FBXL20: variants seen among roughly 807,000 people sequenced by gnomAD.
The protein encoded by FBXL20 is F-box/LRR-repeat protein 20.
A neutral mutation model predicts 64.0 loss-of-function variants in FBXL20; 11 were observed. The observed-to-expected ratio is 0.17, with a 90% CI of 0.11 to 0.28. The LOEUF (loss-of-function observed/expected upper bound fraction) is 0.28. Ranked by LOEUF, FBXL20 falls within the 10% of genes least tolerant of loss-of-function variation. FBXL20 has a pLI of 1.00. For missense variants in FBXL20, 303 were observed against 526.2 expected (o/e 0.58, Z 4.15); for synonymous variants, 184 against 189.0 (o/e 0.97, Z 0.22).
rs1270702566 is a variant in FBXL20 at position 39,258,936 on chromosome 17, C to T, written c.*2524G>A. The T allele has an allele frequency of 6.6e-6, 1 of 151,936 alleles. No individual in the cohort carries two copies. The highest frequency in any genetic ancestry group is 1.5e-5 in the Non-Finnish European group (1 of 68,010). 9.4% of individuals were successfully genotyped at this position (151,936 alleles called of 1,614,324 possible). The stretch of plus-strand genomic sequence containing the variant: ...TGAGTTTCATGTTAAAAACTATATT[C>T]CTTATAAGGTAATCTGAAAGAGAAT... On this transcript the variant is annotated 3_prime_UTR_variant, in exon 15 of 15. Coordinates refer to ENST00000264658, the MANE Select transcript of FBXL20 (RefSeq NM_032875.3).
chr17:39,271,005 A>G lies in FBXL20; in HGVS notation c.828-149T>C, dbSNP rs2046838751. On this transcript the variant is annotated intron_variant, in intron 10 of 14. Transcript: ENST00000264658. ...GACATTAACAACTAAGCAAGTCTGT[A>G]TACAGATCTTGCCATTCATTTTCAT... 4.6e-6 allele frequency: 3 copies of G among 649,260 alleles called. No homozygotes were observed. In the Admixed American group the frequency reaches 8.9e-5, roughly 19 times the overall value. The allele number at this position is 649,260 out of a possible 1,614,324, so 40.2% of individuals were successfully genotyped here.
intron 2 of FBXL20, among the ~76,000 whole-genome samples, chr17:39,305,846 G>A (rs1316767927): frequency 3.3e-5 from 5 of 152,068 alleles, no homozygotes; most frequent in Admixed American, 6.6e-5. Context: ...TTAGCCAGGC[G>A]TGGTGGTGGG....
At chr17:39,350,675 A>G (rs2047679636) in intron 1 of FBXL20, among the ~76,000 whole-genome samples, 1 of 152,218 alleles carries the variant, frequency 6.6e-6, no homozygotes, top group South Asian at 2.1e-4. Context: ...ACATCTGTCC[A>G]GATTTATATT....
chr17:39,386,705 T>C (rs778617570), intron 1 of FBXL20, among the ~76,000 whole-genome samples: 7 of 152,168 alleles, frequency 4.6e-5, no homozygotes, highest in Non-Finnish European at 1.0e-4. Flanking sequence ...GCATGAAGCA[T>C]AGTAAATACC....
intron 2 of FBXL20, among the ~76,000 whole-genome samples, chr17:39,315,936 A>C (rs562982997): frequency 6.6e-6 from 1 of 152,212 alleles, no homozygotes; most frequent in African/African-American, 2.4e-5. Flanking sequence ...CATTAACCAT[A>C]ATAAAGATGG....
intron 1 of FBXL20, among the ~76,000 whole-genome samples, chr17:39,377,489 CTG>C (rs1257203494): frequency 6.6e-6 from 1 of 150,542 alleles, no homozygotes; most frequent in African/African-American, 2.5e-5. Flanking sequence ...ATTGCAATTC[CTG>C]TCTTTTTTGT....
At chr17:39,332,122 A>C (rs1419859281) in intron 2 of FBXL20, among the ~76,000 whole-genome samples, 1 of 152,242 alleles carries the variant, frequency 6.6e-6, no homozygotes, top group Non-Finnish European at 1.5e-5. Context: ...TTTCAAAGGA[A>C]GGAAAACACA....
chr17:39,392,786 G>A (rs192313312), intron 1 of FBXL20, among the ~76,000 whole-genome samples: 2 of 152,238 alleles, frequency 1.3e-5, no homozygotes, highest in East Asian at 3.9e-4. Context: ...GCCAAGGCGG[G>A]TGGATCACTT....
At chr17:39,379,045 C>T (rs113414512) in intron 1 of FBXL20, among the ~76,000 whole-genome samples, 59,136 of 149,594 alleles carry the variant, frequency 0.4, 15,304 homozygotes, top group African/African-American at 0.74. Context: ...CTAACCAACA[C>T]GGAGAAACCC....
In FBXL20 at chr17:39,259,556, G is replaced by C. The variant is rs2046726519; in HGVS notation, c.*1904C>G. On this transcript the variant is annotated 3_prime_UTR_variant, in exon 15 of 15. Transcript: ENST00000264658. The stretch of plus-strand genomic sequence containing the variant: ...AGAGGGTGCTTCTTCTTGGACTCTT[G>C]AGTCCTGGACACTAAATTCCTCCCT... 6.6e-6 allele frequency: 1 copy of C among 152,002 alleles called. No homozygotes were observed. Among genetic ancestry groups the C allele is most frequent in the Non-Finnish European group, 1.5e-5 (1 of 68,004 alleles). The allele number at this position is 152,002 out of a possible 1,614,324, so 9.4% of individuals were successfully genotyped here.
intron 14 of FBXL20, chr17:39,263,795 T>G: frequency 6.0e-6 from 1 of 165,610 alleles, no homozygotes; most frequent in Admixed American, 5.9e-5. Flanking sequence ...CAATTACAAA[T>G]TAAATTCTTA....
intron 1 of FBXL20, among the ~76,000 whole-genome samples, chr17:39,398,181 C>G (rs559340490): frequency 6.6e-6 from 1 of 151,840 alleles, no homozygotes; most frequent in South Asian, 2.1e-4. Context: ...ACTCGGGAGG[C>G]TGAGGCAGTA....
intron 1 of FBXL20, among the ~76,000 whole-genome samples, chr17:39,366,150 T>C (rs2047857877): frequency 6.6e-6 from 1 of 152,190 alleles, no homozygotes; most frequent in Non-Finnish European, 1.5e-5. Context: ...CTGTATTCAG[T>C]GTAATTTTCT....
intron 2 of FBXL20, among the ~76,000 whole-genome samples, chr17:39,315,704 C>G (rs930366323): frequency 3.3e-5 from 5 of 151,870 alleles, no homozygotes; most frequent in Admixed American, 3.3e-4. Context: ...GAGGATAAAC[C>G]TAGTGCGGGC....
rs527879924 is a variant in FBXL20, at chr17:39,388,331, C to T, written c.42+13030G>A. Among the ~76,000 whole-genome samples, 61 of 151,924 alleles carry T rather than the reference C, an allele frequency of 4.0e-4. 1 individual carries two copies. The highest frequency in any genetic ancestry group is 1.3e-3 in the Admixed American group (20 of 15,238). On this transcript the variant is annotated intron_variant, in intron 1 of 14. Coordinates refer to ENST00000264658, the MANE Select transcript of FBXL20 (RefSeq NM_032875.3). ...AAAAATAGCTGGGCATGGTGGCACA[C>T]GACTGTAATTCCAGCTACTCGGGAA...
Position 39,401,378 on chromosome 17 carries a change from T to C in FBXL20, c.25A>G (p.Thr9Ala). 1 of 1,612,190 alleles carries C rather than the reference T, an allele frequency of 6.2e-7. No individual in the cohort carries two copies. Among genetic ancestry groups the C allele is most frequent in the Non-Finnish European group, 8.5e-7 (1 of 1,179,256 alleles). Residue 9 changes from threonine (T) to alanine (A), a missense_variant, in exon 1 of 15, where the codon ACC (threonine) becomes GCC (alanine). This residue lies in a region of FBXL20 where 246 missense variants were observed against 422.6 expected (regional missense o/e 0.58). Transcript: ENST00000264658. MRRDVNGV[T>A]KSRFEMFSNS... Reference sequence around the variant, plus strand: ...GCTCACACCTCAAACCTGCTCTTGGTCACTCCGTTCACGTCCCTCCTCATG... The same window carrying C: ...GCTCACACCTCAAACCTGCTCTTGGCCACTCCGTTCACGTCCCTCCTCATG...
intron 6 of FBXL20, among the ~76,000 whole-genome samples, chr17:39,293,545 A>T (rs756603120): frequency 8.6e-5 from 13 of 151,918 alleles, no homozygotes; most frequent in South Asian, 8.3e-4. Context: ...TAAAATAAAT[A>T]AAAAAATAAA....
chr17:39,379,498 A>AAAAAAC (rs59471332), intron 1 of FBXL20, among the ~76,000 whole-genome samples: 9 of 150,208 alleles, frequency 6.0e-5, no homozygotes, highest in Admixed American at 1.3e-4. Flanking sequence ...AAAAAAAAAA[A>AAAAAAC]CTGGCCAGGC....
rs751686135 is a variant in FBXL20, at chr17:39,264,178, G to A, written c.1200C>T (p.Leu400=). Residue 400 remains leucine (L), a synonymous_variant, in exon 14 of 15, where the codon CTC becomes CTT. Transcript: ENST00000264658. ...AGAGTTATGTAGCCATTTTTACCCT[G>A]AGTCTCTTGATTCCAGCCCGTGTGA... ...QQITRAGIKR[L]RTHLPNIKVH... 6.2e-7 allele frequency: 1 copy of A among 1,614,110 alleles called. No individual in the cohort carries two copies. The highest frequency in any genetic ancestry group is 1.1e-5 in the South Asian group (1 of 91,076).
Sources: gnomAD v4.1 joint callset for allele counts (sites outside exome capture counted in the v4.1 genomes callset) on GRCh38, gnomAD v4.1.1 for gene constraint, gnomAD v4.1.1 regional missense constraint, MANE v1.5 for transcripts, NCBI Gene and HGNC (gene_info 2026-07-23, HGNC 2026-07-21) for gene names.